Variants in ERICH1 observed in about 807,000 individuals in gnomAD.
The protein encoded by ERICH1 is glutamate-rich protein 1.
A neutral mutation model predicts 39.6 loss-of-function variants in ERICH1; 56 were observed. The ratio of observed to expected loss-of-function variants is 1.41; its 90% CI spans 1.14 to 1.77. ERICH1 has a LOEUF of 1.77. Among genes scored for constraint, ERICH1 ranks in the 40% most tolerant of loss-of-function variants. The probability of loss-of-function intolerance (pLI) is 0.00; values close to 1 mark genes in which losing one functional copy is unlikely to be tolerated. For missense variants in ERICH1, 826 were observed against 575.4 expected (o/e 1.44, Z -4.45); for synonymous variants, 313 against 223.6 (o/e 1.40, Z -3.57).
chr8:686,448 TAAAAAAAAAAAAAAAAAC>T (rs1307740086), intron 3 of ERICH1, among the ~76,000 whole-genome samples: 1 of 147,400 alleles, frequency 6.8e-6, no homozygotes, highest in African/African-American at 2.5e-5. Context: ...CTAGGCAAGC[TAAAAAAAAAAAAAAAAAC>T]AAAAACAAAA....
chr8:659,927 C>T (rs1801166705), downstream of ERICH1, among the ~76,000 whole-genome samples: 1 of 152,176 alleles, frequency 6.6e-6, no homozygotes, highest in Non-Finnish European at 1.5e-5. Context: ...GCAGGCTGCT[C>T]CCTGTCTGTC....
chr8:653,264 G>T (rs934267101), intron 3 of ERICH1, among the ~76,000 whole-genome samples: 2 of 152,238 alleles, frequency 1.3e-5, no homozygotes, highest in Admixed American at 6.5e-5. Context: ...AATGTGGCCT[G>T]AGAAGAATGC....
chr8:644,050 T>C (rs1563183013), intron 3 of ERICH1, among the ~76,000 whole-genome samples: 2 of 152,238 alleles, frequency 1.3e-5, no homozygotes, highest in African/African-American at 4.8e-5. Context: ...TTTCTCCAGC[T>C]GATCTTACAT....
chr8:702,007 G>A (rs942862187), intron 2 of ERICH1, among the ~76,000 whole-genome samples: 2 of 151,136 alleles, frequency 1.3e-5, no homozygotes. Flanking sequence ...AACCTGGGAG[G>A]CGGAGCTTGC....
At position 692,587 on chromosome 8, in the gene ERICH1, G is replaced by A. The variant is rs1376063210; in HGVS notation, c.195C>T (p.Ala65=). 1 of 1,607,344 alleles carries A rather than the reference G, an allele frequency of 6.2e-7. No individual in the cohort carries two copies. The highest frequency in any genetic ancestry group is 8.5e-7 in the Non-Finnish European group (1 of 1,176,158). ...LTDTGSETPT[A]RRLYTASGPP... ...GCCCGCTGGCAGTGTAGAGCCGTCG[G>A]GCAGTCGGGGTCTCAGAGCCAGTGT... The change falls in exon 3 of 6, where the codon GCC becomes GCT. Residue 65 remains alanine, a synonymous_variant. Transcript: ENST00000262109.
rs80186221 is a variant in ERICH1 at position 670,507 on chromosome 8, G to C, written c.1064-1715C>G. On this transcript the variant is annotated intron_variant, in intron 4 of 5. Coordinates refer to ENST00000262109, the MANE Select transcript of ERICH1 (RefSeq NM_207332.3). ...AGAGGGGGATCCCCTGGACCGTGCA[G>C]GGACTGAGCTGACTCCAGGGTGGCC... Among the ~76,000 whole-genome samples, 1,339 of 152,312 alleles carry C rather than the reference G, an allele frequency of 8.8e-3. 18 individuals carry two copies. The highest frequency in any genetic ancestry group is 0.031 in the African/African-American group (1,268 of 41,566).
intron 1 of ERICH1, among the ~76,000 whole-genome samples, chr8:722,477 A>G (rs1017032395): frequency 6.6e-6 from 1 of 152,234 alleles, no homozygotes; most frequent in Admixed American, 6.5e-5. Context: ...AAATACCAAT[A>G]AAATCTTTCA....
intron 3 of ERICH1, among the ~76,000 whole-genome samples, chr8:646,421 G>A (rs1799484752): frequency 1.5e-5 from 1 of 68,538 alleles, no homozygotes; most frequent in African/African-American, 3.7e-5. Context: ...AAAATCTTTA[G>A]CTCTCACAAA....
Position 644,935 on chromosome 8 carries a change from G to A in ERICH1, c.976+23663C>T, listed in dbSNP as rs1799400776. Among the ~76,000 whole-genome samples the A allele has an allele frequency of 5.8e-5, 4 of 69,238 alleles. 2 individuals are homozygous for A. The highest frequency in any genetic ancestry group is 2.5e-4 in the Admixed American group (2 of 8,044). The allele number at this position is 69,238 out of a possible 152,430, so 45.4% of individuals were successfully genotyped here. A position where few individuals can be genotyped will look rare whatever the true frequency, so the allele number is the denominator to read the frequency against. ...AGGCTGGGACCCGAACACACTGTCTGTTCTCTCAGAGGCAGGAGCTACGGG... is the reference window on the plus strand; with the variant it reads ...AGGCTGGGACCCGAACACACTGTCTATTCTCTCAGAGGCAGGAGCTACGGG... On this transcript the variant is annotated intron_variant, in intron 3 of 3. Transcript: ENST00000522706.
At chr8:687,610 C>A (rs530443422) in intron 3 of ERICH1, among the ~76,000 whole-genome samples, 3 of 152,218 alleles carry the variant, frequency 2.0e-5, no homozygotes, top group South Asian at 4.1e-4. Context: ...GGAGGCGGGT[C>A]CCTGTGGAGC....
chr8:661,237 CG>C, downstream of ERICH1, among the ~76,000 whole-genome samples: 1 of 152,204 alleles, frequency 6.6e-6, no homozygotes, highest in African/African-American at 2.4e-5. Flanking sequence ...GGAGAGCGCT[CG>C]GGGCAAGAGC....
chr8:685,979 T>C (rs1301390304), intron 3 of ERICH1, among the ~76,000 whole-genome samples: 5 of 118,228 alleles, frequency 4.2e-5, no homozygotes, highest in African/African-American at 1.7e-4. Flanking sequence ...ACCCCGTCTC[T>C]ACTAAAAAAT....
Position 703,630 on chromosome 8 carries a change from G to A in ERICH1, c.170-11018C>T, listed in dbSNP as rs545346417. ...GAGGGAGAGCCTGTCCATAGAGAGT[G>A]TGAGAGACCCTTCTTCTCCTCCTTC... On this transcript the variant is annotated intron_variant, in intron 2 of 5. Transcript: ENST00000262109. Among the ~76,000 whole-genome samples the A allele has an allele frequency of 4.6e-5, 7 of 152,332 alleles. 1 individual carries two copies. In the East Asian group the frequency reaches 1.4e-3, roughly 30 times the overall value.
At chr8:679,024 AC>A (rs1805492144) in intron 3 of ERICH1, among the ~76,000 whole-genome samples, 1 of 142,416 alleles carries the variant, frequency 7.0e-6, no homozygotes, top group Non-Finnish European at 1.5e-5. Flanking sequence ...ACAGCAAGTG[AC>A]CCCTTACAGC....
chr8:652,547 A>G (rs911304561), intron 3 of ERICH1, among the ~76,000 whole-genome samples: 1 of 152,186 alleles, frequency 6.6e-6, no homozygotes, highest in African/African-American at 2.4e-5. Flanking sequence ...ATCCCACCTC[A>G]TTCACTTTCC....
intron 4 of ERICH1, 39 bp downstream of exon 4, chr8:673,250 G>A (rs1331416486): frequency 6.5e-7 from 1 of 1,543,976 alleles, no homozygotes; most frequent in East Asian, 2.3e-5. Context: ...ACTTTTAAGT[G>A]GATGTCACTA....
chr8:700,345 A>G (rs186498575), intron 2 of ERICH1, among the ~76,000 whole-genome samples: 608 of 15,662 alleles, frequency 0.039, 116 homozygotes, highest in Middle Eastern at 0.1. Flanking sequence ...ACGCGCACAG[A>G]TCCGCACACG....
intron 5 of ERICH1, chr8:667,291 TCACCTTCTC>T (rs1563209182): frequency 6.6e-6 from 1 of 152,158 alleles, no homozygotes; most frequent in Non-Finnish European, 1.5e-5. Flanking sequence ...TGTCACCTCT[TCACCTTCTC>T]CACCTTCTGC....
At chr8:689,268 C>T (rs1404424204) in intron 3 of ERICH1, among the ~76,000 whole-genome samples, 2 of 152,194 alleles carry the variant, frequency 1.3e-5, no homozygotes, top group Non-Finnish European at 2.9e-5. Context: ...CATGCCACCA[C>T]ACCTGGCTAA....
Sources: allele counts gnomAD v4.1 joint callset (sites outside exome capture counted in the v4.1 genomes callset), GRCh38; gene constraint gnomAD v4.1.1; transcripts MANE v1.5; gene names NCBI Gene and HGNC (gene_info 2026-07-23, HGNC 2026-07-21).